Variants in TLE4 observed in about 807,000 individuals in gnomAD.
TLE4 encodes TLE family member 4, transcriptional corepressor.
TLE4 carries 8 observed loss-of-function variants against 92.8 expected under a neutral mutation model. The observed-to-expected ratio is 0.09, with a 90% CI of 0.05 to 0.16. The LOEUF (loss-of-function observed/expected upper bound fraction) is 0.16, where lower values mean the gene tolerates loss of function less well. Ranked by LOEUF, TLE4 falls within the 10% of genes least tolerant of loss-of-function variation. TLE4 has a pLI of 1.00. For missense variants in TLE4, 675 were observed against 997.6 expected (o/e 0.68, Z 4.36); for synonymous variants, 371 against 374.1 (o/e 0.99, Z 0.10).
rs567128269 is a variant in TLE4 at position 79,577,442 on chromosome 9, G to A, written c.252+1265G>A. 2.0e-5 allele frequency among the ~76,000 whole-genome samples: 3 copies of A among 152,242 alleles called. No individual in the cohort carries two copies. The South Asian group carries it at 6.2e-4, about 32-fold the overall frequency. On this transcript the variant is annotated intron_variant, in intron 4 of 19. Transcript: ENST00000376552. ...ATGCTATTTGGTTATGTCAATATTA[G>A]CATTATAGTATAGTTTGAATGGCCT...
Position 79,652,638 on chromosome 9 carries a change from G to T in TLE4, c.436G>T (p.Val146Leu). ...TTTATCACATGGACATGGTCTCCCC[G>T]TACCTCTGACTCCACACCCTTCAGG... ...QHLSHGHGLP[V>L]PLTPHPSGLQ... Residue 146 changes from valine (V) to leucine (L), a missense_variant, in exon 7 of 20, where the codon GTA (valine) becomes TTA (leucine). By Grantham distance (32) the Val-to-Leu change is conservative (BLOSUM62 1). Transcript: ENST00000376552. The T allele has an allele frequency of 1.2e-6, 2 of 1,614,094 alleles. No homozygotes were observed. The highest frequency in any genetic ancestry group is 1.7e-6 in the Non-Finnish European group (2 of 1,180,014).
intron 4 of TLE4, among the ~76,000 whole-genome samples, chr9:79,612,024 A>G (rs1171572939): frequency 6.6e-6 from 1 of 151,896 alleles, no homozygotes; most frequent in Admixed American, 6.6e-5. Context: ...AGATTTTAGC[A>G]TATCTCAACC....
intron 8 of TLE4, among the ~76,000 whole-genome samples, chr9:79,700,612 T>C (rs940705894): frequency 6.6e-5 from 10 of 152,212 alleles, no homozygotes; most frequent in Admixed American, 1.3e-4. Flanking sequence ...AATTGGGGTT[T>C]CCATGTAATA....
intron 4 of TLE4, among the ~76,000 whole-genome samples, chr9:79,594,111 T>C (rs1367629011): frequency 6.6e-6 from 1 of 152,210 alleles, no homozygotes; most frequent in Non-Finnish European, 1.5e-5. Context: ...GCTACAGAGG[T>C]GATTTTGATG....
intron 4 of TLE4, among the ~76,000 whole-genome samples, chr9:79,597,959 G>C (rs933196326): frequency 3.3e-5 from 5 of 152,000 alleles, no homozygotes; most frequent in African/African-American, 1.2e-4. Context: ...CTGGCCTGGC[G>C]TGGTGGCTCA....
chr9:79,678,578 G>A (rs559472310), intron 8 of TLE4, among the ~76,000 whole-genome samples: 1 of 151,584 alleles, frequency 6.6e-6, no homozygotes, highest in Non-Finnish European at 1.5e-5. Context: ...TTAGGTTTCA[G>A]TGGCACTCTA....
At chr9:79,607,435 G>A (rs966578550) in intron 4 of TLE4, among the ~76,000 whole-genome samples, 5 of 152,168 alleles carry the variant, frequency 3.3e-5, no homozygotes, top group Non-Finnish European at 5.9e-5. Context: ...TTTTAGTCAT[G>A]AAGTCTTTGC....
At chr9:79,618,796 G>A (rs1004544233) in intron 5 of TLE4, among the ~76,000 whole-genome samples, 9 of 152,074 alleles carry the variant, frequency 5.9e-5, no homozygotes, top group African/African-American at 1.9e-4. Context: ...GAACGGAGCT[G>A]TTTTTCCCTT....
At chr9:79,692,596 A>G (rs996567199) in intron 8 of TLE4, among the ~76,000 whole-genome samples, 1 of 152,142 alleles carries the variant, frequency 6.6e-6, no homozygotes, top group African/African-American at 2.4e-5. Context: ...AAACTACCAT[A>G]AACTGGGTAG....
At chr9:79,612,435 C>T (rs2048577166) in intron 4 of TLE4, among the ~76,000 whole-genome samples, 1 of 152,012 alleles carries the variant, frequency 6.6e-6, no homozygotes, top group African/African-American at 2.4e-5. Context: ...TGAAGGTTAA[C>T]TTTTTAAGAT....
chr9:79,687,314 G>T (rs1242080575), intron 8 of TLE4, among the ~76,000 whole-genome samples: 1 of 152,162 alleles, frequency 6.6e-6, no homozygotes. Context: ...ATGTTCTGGT[G>T]TTTCCTGGAG....
chr9:79,601,386 A>G (rs1290429773), intron 4 of TLE4: 1 of 456,672 alleles, frequency 2.2e-6, no homozygotes, highest in Non-Finnish European at 4.4e-6. Flanking sequence ...ACCTTGTTTT[A>G]CTGGGTCTTG....
chr9:79,720,372 GTA>G, intron 16 of TLE4, 79 bp downstream of exon 16: 1 of 1,176,994 alleles, frequency 8.5e-7, no homozygotes, highest in Admixed American at 2.7e-5. Context: ...GTGTATATAG[GTA>G]TGGGTGTGTG....
intron 8 of TLE4, among the ~76,000 whole-genome samples, chr9:79,655,195 C>G (rs1174751778): frequency 1.3e-5 from 2 of 152,106 alleles, no homozygotes; most frequent in Non-Finnish European, 2.9e-5. Flanking sequence ...TTGTATTATG[C>G]GTAATTGTAT....
chr9:79,609,053 T>G (rs541195919), intron 4 of TLE4, among the ~76,000 whole-genome samples: 28 of 152,242 alleles, frequency 1.8e-4, no homozygotes, highest in Admixed American at 1.6e-3. Context: ...TTTGGTATTG[T>G]GTGCGTTAGT....
At position 79,572,116 on chromosome 9, in the gene TLE4, CTTTTA is replaced by C. The variant is rs2036003303; in HGVS notation, c.-670_-666del. The stretch of plus-strand genomic sequence containing the variant: ...AAAAAAAAGCCGCAAGCGTTTCACT[CTTTTA>C]TTTTTATAATCCCCTTCAATTTGGG... On this transcript the variant is annotated 5_prime_UTR_variant, in exon 1 of 20. Transcript: ENST00000376552. 6.6e-6 allele frequency: 1 copy of C among 151,380 alleles called. No homozygotes were observed. The highest frequency in any genetic ancestry group is 2.4e-5 in the African/African-American group (1 of 41,184). 9.4% of individuals were successfully genotyped at this position (151,380 alleles called of 1,614,324 possible). A position where few individuals can be genotyped will look rare whatever the true frequency, so the allele number is the denominator to read the frequency against.
At chr9:79,652,893 C>T (rs1202867752) in intron 7 of TLE4, 99 bp downstream of exon 7, 4 of 1,263,304 alleles carry the variant, frequency 3.2e-6, no homozygotes, top group Non-Finnish European at 4.6e-6. Flanking sequence ...TTAGTTTTAC[C>T]AGTGACTAAA....
chr9:79,578,798 GA>G (rs2038756946), intron 4 of TLE4, among the ~76,000 whole-genome samples: 1 of 150,632 alleles, frequency 6.6e-6, no homozygotes, highest in African/African-American at 2.4e-5. Context: ...TTTGGTAACT[GA>G]GTAAATAGCA....
At chr9:79,574,817 A>G in intron 2 of TLE4, 56 bp from the exon 3 acceptor site, 1 of 1,416,760 alleles carries the variant, frequency 7.1e-7, no homozygotes, top group African/African-American at 1.4e-5. Flanking sequence ...TGCGTTTAAG[A>G]GTTGAAGGAT....
Sources: gnomAD v4.1 joint callset for allele counts (sites outside exome capture counted in the v4.1 genomes callset) on GRCh38, gnomAD v4.1.1 for gene constraint, MANE v1.5 for transcripts, NCBI Gene and HGNC (gene_info 2026-07-23, HGNC 2026-07-21) for gene names.